EPHA7: variants seen among roughly 807,000 people sequenced by gnomAD.
EPHA7 encodes EPH receptor A7, also known as ephrin type-A receptor 7.
EPHA7 carries 25 observed loss-of-function variants against 112.6 expected under a neutral mutation model. That is an observed-to-expected ratio of 0.22 (90% confidence interval 0.16 to 0.31). EPHA7 has a LOEUF of 0.31. Ranked by LOEUF, EPHA7 falls within the 10% of genes least tolerant of loss-of-function variation. EPHA7 has a pLI of 1.00. For missense variants in EPHA7, 962 were observed against 1,212.6 expected (o/e 0.79, Z 3.07); for synonymous variants, 437 against 406.5 (o/e 1.07, Z -0.90).
chr6:93,252,601 C>A (rs1263424446), intron 14 of EPHA7, among the ~76,000 whole-genome samples: 2 of 151,848 alleles, frequency 1.3e-5, no homozygotes, highest in East Asian at 3.9e-4. Context: ...CCTAAATTAT[C>A]TGATTTTTCT....
intron 5 of EPHA7, among the ~76,000 whole-genome samples, chr6:93,288,662 G>A (rs1582454796): frequency 6.6e-6 from 1 of 152,178 alleles, no homozygotes; most frequent in Admixed American, 6.5e-5. Flanking sequence ...TATTTTTCCA[G>A]CCTCACCATG....
chr6:93,314,435 A>G (rs2127871172), intron 5 of EPHA7, among the ~76,000 whole-genome samples: 1 of 152,272 alleles, frequency 6.6e-6, no homozygotes, highest in East Asian at 1.9e-4. Context: ...ATTTAACTGC[A>G]AAAAAGCTGA....
intron 3 of EPHA7, among the ~76,000 whole-genome samples, chr6:93,367,867 T>A (rs971362052): frequency 3.3e-5 from 5 of 152,144 alleles, no homozygotes; most frequent in Admixed American, 2.0e-4. Context: ...CAATGTCAAT[T>A]TCCAAGCAAA....
chr6:93,358,475 G>T, intron 3 of EPHA7, 64 bp from the exon 4 acceptor site: 2 of 1,367,810 alleles, frequency 1.5e-6, no homozygotes, highest in South Asian at 1.5e-5. Context: ...AAAAAAAATT[G>T]TATTATTTAG....
chr6:93,416,537 T>C (rs1307030370), intron 1 of EPHA7, among the ~76,000 whole-genome samples: 4 of 152,092 alleles, frequency 2.6e-5, no homozygotes, highest in Admixed American at 2.6e-4. Flanking sequence ...AACTAACAAA[T>C]TAAAACAAAA....
intron 3 of EPHA7, among the ~76,000 whole-genome samples, chr6:93,393,528 G>A (rs1778011052): frequency 6.6e-6 from 1 of 151,826 alleles, no homozygotes. Flanking sequence ...ATTTTAGAAA[G>A]TTAACAGAAG....
In EPHA7 at chr6:93,269,643, G is replaced by C; in HGVS notation, c.1467C>G (p.Thr489=). The change falls in exon 7 of 17, where the codon ACC becomes ACG. Residue 489 remains threonine, a synonymous_variant. Transcript: ENST00000369303. ...KYYEKDQRER[T]YSTVKTKSTS... Reference sequence around the variant, plus strand: ...TAGACTTGGTTTTTACTGTTGAGTAGGTCCGTTCCCTTTGATCCTAGAAAC... The same window carrying C: ...TAGACTTGGTTTTTACTGTTGAGTACGTCCGTTCCCTTTGATCCTAGAAAC... 1 of 1,551,788 alleles carries C rather than the reference G, an allele frequency of 6.4e-7. No individual in the cohort carries two copies. Among genetic ancestry groups the C allele is most frequent in the Non-Finnish European group, 8.7e-7 (1 of 1,154,484 alleles).
chr6:93,356,271 G>A lies in EPHA7; in HGVS notation c.1324+446C>T, dbSNP rs569925036. ...CACCCATGCTGGAGTGCAGTGGCACGATCTCGGCTCACTGCAACTTCTGCC... is the reference window on the plus strand; with the variant it reads ...CACCCATGCTGGAGTGCAGTGGCACAATCTCGGCTCACTGCAACTTCTGCC... On this transcript the variant is annotated intron_variant, in intron 5 of 16. Coordinates refer to ENST00000369303, the MANE Select transcript of EPHA7 (RefSeq NM_004440.4). Among the ~76,000 whole-genome samples the A allele has an allele frequency of 5.3e-5, 8 of 151,626 alleles. No individual in the cohort carries two copies. The South Asian group carries it at 1.3e-3, about 24-fold the overall frequency.
intron 9 of EPHA7, among the ~76,000 whole-genome samples, chr6:93,263,220 T>C (rs1388677308): frequency 6.6e-6 from 1 of 151,382 alleles, no homozygotes; most frequent in Non-Finnish European, 1.5e-5. Flanking sequence ...CATTTTCACA[T>C]GCCATCTTGT....
At chr6:93,372,486 T>A (rs886584978) in intron 3 of EPHA7, among the ~76,000 whole-genome samples, 90 of 152,084 alleles carry the variant, frequency 5.9e-4, no homozygotes, top group African/African-American at 2.1e-3. Context: ...TGTCTAGACA[T>A]AGAATCAATA....
At chr6:93,269,423 T>C in intron 7 of EPHA7, 54 bp downstream of exon 7, 1 of 1,474,362 alleles carries the variant, frequency 6.8e-7, no homozygotes, top group Non-Finnish European at 9.2e-7. Flanking sequence ...GAAAAAAATA[T>C]TAATATATGC....
chr6:93,353,492 T>C (rs1272862826), intron 5 of EPHA7, among the ~76,000 whole-genome samples: 1 of 152,156 alleles, frequency 6.6e-6, no homozygotes, highest in South Asian at 2.1e-4. Context: ...CCTCTTCCAA[T>C]GTTATAATAC....
chr6:93,323,237 A>C (rs1478731198), intron 5 of EPHA7, among the ~76,000 whole-genome samples: 1 of 151,596 alleles, frequency 6.6e-6, no homozygotes, highest in African/African-American at 2.4e-5. Flanking sequence ...AAAATTTAGG[A>C]GTAAACACAT....
rs551932451 is a variant in EPHA7 at position 93,267,328 on chromosome 6, T to C, written c.1633+2149A>G. ...TATATTTAACTTAAACCTCAGAATG[T>C]TTTGTGAATTGAGTACTACTATACT... On this transcript the variant is annotated intron_variant, in intron 7 of 16. Transcript: ENST00000369303. Among the ~76,000 whole-genome samples the C allele has an allele frequency of 4.0e-5, 6 of 151,804 alleles. No homozygotes were observed. In the East Asian group the frequency reaches 7.8e-4, roughly 20 times the overall value.
At chr6:93,258,467 G>T (rs1312811591) in intron 10 of EPHA7, among the ~76,000 whole-genome samples, 183 bp from the exon 11 acceptor site, 1 of 151,626 alleles carries the variant, frequency 6.6e-6, no homozygotes, top group Non-Finnish European at 1.5e-5. Context: ...CATATATAGG[G>T]GAGTCTATTT....
At chr6:93,305,150 G>C (rs1342145776) in intron 5 of EPHA7, among the ~76,000 whole-genome samples, 1 of 151,196 alleles carries the variant, frequency 6.6e-6, no homozygotes, top group Admixed American at 6.6e-5. Context: ...TTACTTCCTG[G>C]TACAAAATAT....
At chr6:93,258,306 G>T in intron 10 of EPHA7, 22 bp from the exon 11 acceptor site, 1 of 1,505,990 alleles carries the variant, frequency 6.6e-7, no homozygotes, top group Admixed American at 2.3e-5. Context: ...GAACAAGCAG[G>T]CATATTTTAG....
At chr6:93,409,415 T>C (rs1282325879) in intron 3 of EPHA7, among the ~76,000 whole-genome samples, 2 of 152,032 alleles carry the variant, frequency 1.3e-5, no homozygotes, top group Non-Finnish European at 2.9e-5. Context: ...ACATAAATGA[T>C]AATGATACCT....
At chr6:93,415,232 C>A (rs776806935) in intron 1 of EPHA7, among the ~76,000 whole-genome samples, 14 of 151,802 alleles carry the variant, frequency 9.2e-5, no homozygotes, top group Non-Finnish European at 7.4e-5. Flanking sequence ...TGGAGTTTAT[C>A]TTTTAAAAAA....
Sources: allele counts gnomAD v4.1 joint callset (sites outside exome capture counted in the v4.1 genomes callset), GRCh38; gene constraint gnomAD v4.1.1; transcripts MANE v1.5; gene names NCBI Gene and HGNC (gene_info 2026-07-23, HGNC 2026-07-21).